RASD1: variants seen among roughly 807,000 people sequenced by gnomAD.
RASD1 encodes the protein ras related dexamethasone induced 1.
RASD1 carries 13 observed loss-of-function variants against 16.7 expected under a neutral mutation model. The ratio of observed to expected loss-of-function variants is 0.78; its 90% CI spans 0.51 to 1.24. The LOEUF is 1.24. RASD1 is among the 50% of genes most tolerant of loss of function. The pLI is 0.00. For synonymous variants in RASD1, 170 were observed against 172.6 expected (o/e 0.98, Z 0.12); for missense variants, 397 against 407.5 (o/e 0.97, Z 0.22).
chr17:17,495,913 C>T lies in RASD1; in HGVS notation c.269G>A (p.Arg90His). The T allele has an allele frequency of 3.1e-6, 5 of 1,609,118 alleles. No homozygotes were observed. The highest frequency in any genetic ancestry group is 4.2e-6 in the Non-Finnish European group (5 of 1,179,666). The change falls in exon 1 of 2, where the codon CGC becomes CAC. Residue 90 changes from arginine (R) to histidine (H), a missense_variant. Coordinates refer to ENST00000225688, the MANE Select transcript of RASD1 (RefSeq NM_016084.5). The part of the protein sequence containing the change: ...SGNHPFPAMR[R>H]LSILTGDVFI... ...CGGCTCACCTGTGAGGATGGAGAGG[C>T]GCCGCATGGCGGGGAACGGGTGGTT...
In RASD1 at chr17:17,495,701, G is replaced by C. The variant is rs754577599; in HGVS notation, c.287-17C>G. Reference sequence around the variant, plus strand: ...AAACGTCTCCTAGAGGGGGCACAGAGAGCAGAAAAGGAGAAGGTGAGGGTG... The same window carrying C: ...AAACGTCTCCTAGAGGGGGCACAGACAGCAGAAAAGGAGAAGGTGAGGGTG... On this transcript the variant is annotated splice_polypyrimidine_tract_variant and intron_variant, in intron 1 of 1. Transcript: ENST00000225688. The C allele has an allele frequency of 3.2e-6, 5 of 1,585,862 alleles. No homozygotes were observed. The South Asian group carries it at 4.6e-5, about 15-fold the overall frequency.
At position 17,496,287 on chromosome 17, in the gene RASD1, G is replaced by C. The variant is rs1164903804; in HGVS notation, c.-106C>G. The C allele has an allele frequency of 5.5e-6, 7 of 1,277,802 alleles. No individual in the cohort carries two copies. Among genetic ancestry groups the C allele is most frequent in the Middle Eastern group, 2.7e-4 (1 of 3,642 alleles). 79.2% of individuals were successfully genotyped at this position (1,277,802 alleles called of 1,614,324 possible). On this transcript the variant is annotated 5_prime_UTR_variant, in exon 1 of 2. Coordinates refer to ENST00000225688, the MANE Select transcript of RASD1 (RefSeq NM_016084.5). ...GGTGAGCGGCTGGAGGGCTCTGCTC[G>C]GGCTGGGCGCGGCTCGGGCTTGGGG...
chr17:17,495,313 T>C lies in RASD1; in HGVS notation c.658A>G (p.Lys220Glu), dbSNP rs1186926044. 2.6e-6 allele frequency: 4 copies of C among 1,555,622 alleles called. No individual in the cohort carries two copies. The highest frequency in any genetic ancestry group is 2.6e-6 in the Non-Finnish European group (3 of 1,150,024). Residue 220 changes from lysine (K) to glutamate (E), a missense_variant, in exon 2 of 2, where the codon AAG becomes GAG. Transcript: ENST00000225688. Reference sequence around the variant, plus strand: ...AGCAGCTTCTTGTTCCGCAGCGCCTTCTTGTGCAGCACGTCGCAGTACTGC... The same window carrying C: ...AGCAGCTTCTTGTTCCGCAGCGCCTCCTTGTGCAGCACGTCGCAGTACTGC... ...SVQYCDVLHK[K>E]ALRNKKLLRA...
At position 17,496,184 on chromosome 17, in the gene RASD1, G is replaced by T; in HGVS notation, c.-3C>A. ...TTGATCATCGCGGCCAGTTTCATTG[G>T]GCAGAGGGGCCGCGAGGGCGGGCGC... On this transcript the variant is annotated 5_prime_UTR_variant, in exon 1 of 2. Coordinates refer to ENST00000225688, the MANE Select transcript of RASD1 (RefSeq NM_016084.5). The T allele has an allele frequency of 6.3e-7, 1 of 1,592,102 alleles. No homozygotes were observed.
chr17:17,495,895 C>T lies in RASD1; in HGVS notation c.286+1G>A. 1 of 1,606,366 alleles carries T rather than the reference C, an allele frequency of 6.2e-7. No homozygotes were observed. Among genetic ancestry groups the T allele is most frequent in the Non-Finnish European group, 8.5e-7 (1 of 1,178,862 alleles). Reference sequence around the variant, plus strand: ...CCGCACCTGCCCGGCCCCCGGCTCACCTGTGAGGATGGAGAGGCGCCGCAT... The same window carrying T: ...CCGCACCTGCCCGGCCCCCGGCTCATCTGTGAGGATGGAGAGGCGCCGCAT... On this transcript the variant is annotated splice_donor_variant, in intron 1 of 1. Coordinates refer to ENST00000225688, the MANE Select transcript of RASD1 (RefSeq NM_016084.5). LOFTEE classifies it high-confidence loss of function.
At position 17,495,445 on chromosome 17, in the gene RASD1, T is replaced by C. The variant is rs1053453697; in HGVS notation, c.526A>G (p.Ile176Val). Residue 176 changes from isoleucine (I) to valine (V), a missense_variant, in exon 2 of 2, where the codon ATC becomes GTC. Transcript: ENST00000225688. ...DDPQRCAYFE[I>V]SAKKNSSLDQ... ...AGGCTGCTGTTCTTCTTGGCCGAGA[T>C]CTCGAAGTAGGCGCAGCGCTGGGGG... The C allele has an allele frequency of 5.6e-6, 9 of 1,608,082 alleles. No individual in the cohort carries two copies. The highest frequency in any genetic ancestry group is 2.7e-5 in the African/African-American group (2 of 74,804).
rs546941947 is a variant in RASD1, at chr17:17,496,368, C to T, written c.-187G>A. On this transcript the variant is annotated 5_prime_UTR_variant, in exon 1 of 2. Transcript: ENST00000225688. ...AGGCTGGGCTCGGCTGGGGTTCTCC[C>T]AGGATCTGGGCACAGGCCGCTTGCT... The T allele has an allele frequency of 3.2e-6, 2 of 624,590 alleles. No individual in the cohort carries two copies. Among genetic ancestry groups the T allele is most frequent in the Non-Finnish European group, 2.6e-6 (1 of 387,634 alleles). 38.7% of individuals were successfully genotyped at this position (624,590 alleles called of 1,614,324 possible). A position where few individuals can be genotyped will look rare whatever the true frequency, so the allele number is the denominator to read the frequency against.
chr17:17,496,346 C>T lies in RASD1; in HGVS notation c.-165G>A, dbSNP rs1273470171. ...CCGCTCGGGCTGGGCTCGGGCTAGG[C>T]TGGGCTCGGCTGGGGTTCTCCCAGG... On this transcript the variant is annotated 5_prime_UTR_variant, in exon 1 of 2. Coordinates refer to ENST00000225688, the MANE Select transcript of RASD1 (RefSeq NM_016084.5). 4.3e-6 allele frequency: 3 copies of T among 701,184 alleles called. No individual in the cohort carries two copies. In the East Asian group the frequency reaches 9.6e-5, roughly 22 times the overall value. The allele number at this position is 701,184 out of a possible 1,614,324, so 43.4% of individuals were successfully genotyped here.
intron 1 of RASD1, 71 bp downstream of exon 1, chr17:17,495,825 G>T: frequency 2.7e-6 from 4 of 1,489,706 alleles, no homozygotes; most frequent in Non-Finnish European, 3.6e-6. Flanking sequence ...CAGCCGGACC[G>T]GCGCTCGCGG....
chr17:17,495,348 T>C lies in RASD1; in HGVS notation c.623A>G (p.Lys208Arg), dbSNP rs1337021804. The C allele has an allele frequency of 6.4e-7, 1 of 1,573,856 alleles. No individual in the cohort carries two copies. The highest frequency in any genetic ancestry group is 1.2e-5 in the South Asian group (1 of 86,542). The change falls in exon 2 of 2, where the codon AAG becomes AGG. Residue 208 changes from lysine to arginine, a missense_variant. Lys to Arg is a conservative substitution (Grantham distance 26). Coordinates refer to ENST00000225688, the MANE Select transcript of RASD1 (RefSeq NM_016084.5). Reference sequence around the variant, plus strand: ...CACGTCGCAGTACTGCACCGAGACCTTGCGGTGCAGGTCTGGGCTCATCTC... The same window carrying C: ...CACGTCGCAGTACTGCACCGAGACCCTGCGGTGCAGGTCTGGGCTCATCTC... ...PSEMSPDLHR[K>R]VSVQYCDVLH... is the part of the protein sequence containing the mutation.
Position 17,495,213 on chromosome 17 carries a change from G to T in RASD1, c.758C>A (p.Pro253His). ...FGIVAPFARRPSVHSDLMYIR... is the reference protein window; with the variant it reads ...FGIVAPFARRHSVHSDLMYIR... ...GTACATGAGGTCGCTGTGTACGCTG[G>T]GCCGGCGCGCGAAGGGTGCCACGAT... The change falls in exon 2 of 2, where the codon CCC becomes CAC. Residue 253 changes from proline to histidine, a missense_variant. Coordinates refer to ENST00000225688, the MANE Select transcript of RASD1 (RefSeq NM_016084.5). 2 of 1,610,808 alleles carry T rather than the reference G, an allele frequency of 1.2e-6. No individual in the cohort carries two copies. The highest frequency in any genetic ancestry group is 1.7e-6 in the Non-Finnish European group (2 of 1,179,402).
At position 17,495,481 on chromosome 17, in the gene RASD1, CCAGCTGCT is replaced by C; in HGVS notation, c.482_489del (p.Glu161GlyfsTer220). 6.2e-7 allele frequency: 1 copy of C among 1,610,486 alleles called. No homozygotes were observed. Among genetic ancestry groups the C allele is most frequent in the Non-Finnish European group, 8.5e-7 (1 of 1,178,744 alleles). On this transcript the variant is annotated frameshift_variant, in exon 2 of 2. Coordinates refer to ENST00000225688, the MANE Select transcript of RASD1 (RefSeq NM_016084.5). LOFTEE classifies it high-confidence loss of function. ...GCGCAGCGCTGGGGGTCGTCGCCCA[CCAGCTGCT>C]CGATCTCGCGCTGGTCCACCTCGCG...
rs145083666 is a variant in RASD1 at position 17,496,341 on chromosome 17, C to A, written c.-160G>T. On this transcript the variant is annotated 5_prime_UTR_variant, in exon 1 of 2. Transcript: ENST00000225688. ...CGGCTCCGCTCGGGCTGGGCTCGGG[C>A]TAGGCTGGGCTCGGCTGGGGTTCTC... 7.6e-4 allele frequency: 567 copies of A among 745,532 alleles called. 4 individuals are homozygous for A. The East Asian group carries it at 0.014, about 19-fold the overall frequency. 46.2% of individuals were successfully genotyped at this position (745,532 alleles called of 1,614,324 possible).
chr17:17,495,321 A>G lies in RASD1; in HGVS notation c.650T>C (p.Leu217Pro). 6.4e-7 allele frequency: 1 copy of G among 1,556,486 alleles called. No homozygotes were observed. Among genetic ancestry groups the G allele is most frequent in the Non-Finnish European group, 8.7e-7 (1 of 1,150,388 alleles). Residue 217 changes from leucine to proline, a missense_variant, in exon 2 of 2, where the codon CTG (leucine) becomes CCG (proline). By Grantham distance (98) the Leu-to-Pro change is moderately conservative. Coordinates refer to ENST00000225688, the MANE Select transcript of RASD1 (RefSeq NM_016084.5). ...CTTGTTCCGCAGCGCCTTCTTGTGC[A>G]GCACGTCGCAGTACTGCACCGAGAC... ...RKVSVQYCDV[L>P]HKKALRNKKL...
chr17:17,496,270 G>T lies in RASD1; in HGVS notation c.-89C>A. 1 of 1,386,046 alleles carries T rather than the reference G, an allele frequency of 7.2e-7. No individual in the cohort carries two copies. The highest frequency in any genetic ancestry group is 9.7e-7 in the Non-Finnish European group (1 of 1,035,310). The allele number at this position is 1,386,046 out of a possible 1,614,324, so 85.9% of individuals were successfully genotyped here. Reference sequence around the variant, plus strand: ...GCTGGGGTGGCACGCGGGGTGAGCGGCTGGAGGGCTCTGCTCGGGCTGGGC... The same window carrying T: ...GCTGGGGTGGCACGCGGGGTGAGCGTCTGGAGGGCTCTGCTCGGGCTGGGC... On this transcript the variant is annotated 5_prime_UTR_variant, in exon 1 of 2. Coordinates refer to ENST00000225688, the MANE Select transcript of RASD1 (RefSeq NM_016084.5).
chr17:17,496,175 G>C lies in RASD1; in HGVS notation c.7C>G (p.Leu3Val). The change falls in exon 1 of 2, where the codon CTG becomes GTG. Residue 3 changes from leucine to valine, a missense_variant. Physicochemically the swap from Leu to Val is conservative, Grantham distance 32. Transcript: ENST00000225688. Reference sequence around the variant, plus strand: ...CACATCTTCTTGATCATCGCGGCCAGTTTCATTGGGCAGAGGGGCCGCGAG... The same window carrying C: ...CACATCTTCTTGATCATCGCGGCCACTTTCATTGGGCAGAGGGGCCGCGAG... MK[L>V]AAMIKKMCPS... The C allele has an allele frequency of 6.2e-7, 1 of 1,601,356 alleles. No homozygotes were observed. Among genetic ancestry groups the C allele is most frequent in the Non-Finnish European group, 8.5e-7 (1 of 1,171,914 alleles).
Position 17,495,987 on chromosome 17 carries a change from G to A in RASD1, c.195C>T (p.Tyr65=). 6.2e-7 allele frequency: 1 copy of A among 1,613,814 alleles called. No individual in the cohort carries two copies. The highest frequency in any genetic ancestry group is 1.3e-5 in the African/African-American group (1 of 75,066). ...GCTGGTAGACCTCGCCGCGGATGGA[G>A]TAGAACTTGCGGTGGAAGTCCTCGA... ...PTIEDFHRKF[Y]SIRGEVYQLD... is the part of the protein sequence containing the mutation. The change falls in exon 1 of 2, where the codon TAC becomes TAT. Residue 65 remains tyrosine, a synonymous_variant. Transcript: ENST00000225688.
In RASD1 at chr17:17,496,004, A is replaced by C; in HGVS notation, c.178T>G (p.Phe60Val). Residue 60 changes from phenylalanine to valine, a missense_variant, in exon 1 of 2, where the codon TTC (phenylalanine) becomes GTC (valine). Phe to Val is a conservative substitution (Grantham distance 50). Coordinates refer to ENST00000225688, the MANE Select transcript of RASD1 (RefSeq NM_016084.5). ...CGGATGGAGTAGAACTTGCGGTGGA[A>C]GTCCTCGATGGTAGGCGTGTAGGCG... ...EDAYTPTIED[F>V]HRKFYSIRGE... 1 of 1,614,010 alleles carries C rather than the reference A, an allele frequency of 6.2e-7. No homozygotes were observed. Among genetic ancestry groups the C allele is most frequent in the Non-Finnish European group, 8.5e-7 (1 of 1,180,020 alleles).
At position 17,495,317 on chromosome 17, in the gene RASD1, G is replaced by A; in HGVS notation, c.654C>T (p.His218=). ...GCTTCTTGTTCCGCAGCGCCTTCTT[G>A]TGCAGCACGTCGCAGTACTGCACCG... ...KVSVQYCDVL[H]KKALRNKKLL... Residue 218 remains histidine (H), a synonymous_variant, in exon 2 of 2, where the codon CAC becomes CAT. Transcript: ENST00000225688. 6.4e-7 allele frequency: 1 copy of A among 1,556,052 alleles called. No individual in the cohort carries two copies. Among genetic ancestry groups the A allele is most frequent in the Non-Finnish European group, 8.7e-7 (1 of 1,150,168 alleles).
Sources: gnomAD v4.1 joint callset for allele counts on GRCh38, gnomAD v4.1.1 for gene constraint, MANE v1.5 for transcripts, NCBI Gene and HGNC (gene_info 2026-07-23, HGNC 2026-07-21) for gene names.